Variants in MKRN2 observed in about 807,000 individuals in gnomAD.
MKRN2 encodes the protein makorin ring finger protein 2, also known as E3 ubiquitin-protein ligase makorin-2.
A neutral mutation model predicts 45.4 loss-of-function variants in MKRN2; 32 were observed. That is an observed-to-expected ratio of 0.70 (90% CI 0.53 to 0.95). The LOEUF (loss-of-function observed/expected upper bound fraction) is 0.95. MKRN2 is among the 40% of genes least tolerant of loss of function. The pLI, the probability that MKRN2 is intolerant of heterozygous loss-of-function variation, is 0.00. For missense variants in MKRN2, 526 were observed against 536.7 expected, an observed-to-expected ratio of 0.98 and a Z score of 0.20; for synonymous variants, 206 against 192.4, an observed-to-expected ratio of 1.07 and a Z score of -0.59.
chr3:12,580,213 G>T (rs541064415), intron 6 of MKRN2, among the ~76,000 whole-genome samples: 1 of 152,176 alleles, frequency 6.6e-6, no homozygotes, highest in Non-Finnish European at 1.5e-5. Flanking sequence ...TGAGAGTGGG[G>T]GACCAGTATA....
chr3:12,580,399 T>C (rs1255067696), intron 6 of MKRN2, among the ~76,000 whole-genome samples: 1 of 152,064 alleles, frequency 6.6e-6, no homozygotes, highest in Non-Finnish European at 1.5e-5. Flanking sequence ...CCACCTGTGC[T>C]CAAATCAGAT....
rs2058196711 is a variant in MKRN2 at position 12,582,972 on chromosome 3, CTGGT to C, written c.*724_*727del. ...GGTAGCAGTCTGGCCCTCCTGTCGT[CTGGT>C]TGGTGTTGGGGCCTCCAGCCAGGGC... is the stretch of plus-strand genomic sequence containing the variant. On this transcript the variant is annotated 3_prime_UTR_variant, in exon 8 of 8. Coordinates refer to ENST00000170447, the MANE Select transcript of MKRN2 (RefSeq NM_014160.5). The C allele has an allele frequency of 6.6e-6, 1 of 152,270 alleles. No individual in the cohort carries two copies. Among genetic ancestry groups the C allele is most frequent in the Non-Finnish European group, 1.5e-5 (1 of 68,070 alleles). The allele number at this position is 152,270 out of a possible 1,614,324, so 9.4% of individuals were successfully genotyped here. A position where few individuals can be genotyped will look rare whatever the true frequency, so the allele number is the denominator to read the frequency against.
chr3:12,569,977 A>C (rs963468288), intron 2 of MKRN2, 94 bp from the exon 3 acceptor site: 7 of 1,213,538 alleles, frequency 5.8e-6, no homozygotes, highest in Non-Finnish European at 7.9e-6. Flanking sequence ...CACCTCAACA[A>C]GTGCAGCAGA....
chr3:12,557,829 C>T (rs116200211), intron 1 of MKRN2, among the ~76,000 whole-genome samples: 4,717 of 152,286 alleles, frequency 0.031, 246 homozygotes, highest in African/African-American at 0.11. Flanking sequence ...AAGACGTTGA[C>T]ACTCATTTAT....
intron 3 of MKRN2, among the ~76,000 whole-genome samples, 165 bp downstream of exon 3, chr3:12,570,417 C>T (rs898073914): frequency 1.3e-5 from 2 of 152,122 alleles, no homozygotes; most frequent in African/African-American, 4.8e-5. Flanking sequence ...CTCCATGTGG[C>T]TGCAGATCAT....
At chr3:12,581,681 GCCCCACCTA>G (rs1443724702) in intron 6 of MKRN2, 118 bp from the exon 7 acceptor site, 10 of 998,632 alleles carry the variant, frequency 1.0e-5, no homozygotes, top group Non-Finnish European at 1.5e-5. Context: ...AGCCTCAGCT[GCCCCACCTA>G]GAATGTGAGG....
chr3:12,558,113 G>A (rs1396651658), intron 1 of MKRN2, among the ~76,000 whole-genome samples: 1 of 152,190 alleles, frequency 6.6e-6, no homozygotes, highest in Non-Finnish European at 1.5e-5. Flanking sequence ...AACAGTTATA[G>A]AGTTTGTGTA....
chr3:12,557,502 C>A (rs772742607), intron 1 of MKRN2, among the ~76,000 whole-genome samples: 4 of 152,226 alleles, frequency 2.6e-5, no homozygotes, highest in Admixed American at 6.5e-5. Context: ...CTGGGGCTTA[C>A]GCTTTAACTG....
chr3:12,571,311 A>G (rs950407372), intron 3 of MKRN2, among the ~76,000 whole-genome samples: 9 of 152,160 alleles, frequency 5.9e-5, no homozygotes, highest in Admixed American at 3.9e-4. Context: ...GTGTTTCACT[A>G]TGTTGGCCAG....
intron 1 of MKRN2, among the ~76,000 whole-genome samples, chr3:12,566,053 C>T (rs2058067679): frequency 6.6e-6 from 1 of 151,936 alleles, no homozygotes; most frequent in African/African-American, 2.4e-5. Flanking sequence ...TGGGTTTTGC[C>T]ATGTTGCCCA....
At position 12,570,067 on chromosome 3, in the gene MKRN2, T is replaced by G; in HGVS notation, c.156-4T>G. On this transcript the variant is annotated splice_region_variant and splice_polypyrimidine_tract_variant and intron_variant, in intron 2 of 7. Coordinates refer to ENST00000170447, the MANE Select transcript of MKRN2 (RefSeq NM_014160.5). ...GTAATGCATCTGCTGTGTGTTTTGT[T>G]TAGATATGACCACACGAGGCCCTCT... 1 of 1,602,788 alleles carries G rather than the reference T, an allele frequency of 6.2e-7. No individual in the cohort carries two copies. Among genetic ancestry groups the G allele is most frequent in the Non-Finnish European group, 8.5e-7 (1 of 1,175,442 alleles).
chr3:12,569,996 C>A, intron 2 of MKRN2, 75 bp from the exon 3 acceptor site: 1 of 1,381,332 alleles, frequency 7.2e-7, no homozygotes, highest in South Asian at 1.5e-5. Flanking sequence ...GAAGGAGGGC[C>A]ATTGGCATCT....
intron 3 of MKRN2, among the ~76,000 whole-genome samples, chr3:12,570,921 C>T (rs1315399852): frequency 7.4e-5 from 11 of 149,316 alleles, no homozygotes; most frequent in Non-Finnish European, 1.6e-4. Flanking sequence ...AAATATTTTG[C>T]TAAAGAGCAT....
intron 1 of MKRN2, chr3:12,560,871 G>A (rs535032153): frequency 2.6e-5 from 4 of 152,214 alleles, no homozygotes; most frequent in African/African-American, 4.8e-5. Flanking sequence ...CCATCAGAAA[G>A]GTTGAGCAGT....
At chr3:12,574,033 C>G (rs2058116121) in intron 4 of MKRN2, among the ~76,000 whole-genome samples, 1 of 152,182 alleles carries the variant, frequency 6.6e-6, no homozygotes, top group Admixed American at 6.5e-5. Context: ...GCCACTGCAC[C>G]TGGCCTAAGG....
At chr3:12,563,483 C>CTTTT (rs769910086) in intron 1 of MKRN2, among the ~76,000 whole-genome samples, 6 of 101,402 alleles carry the variant, frequency 5.9e-5, no homozygotes, top group East Asian at 2.7e-4. Flanking sequence ...TTGTCTAGTT[C>CTTTT]TTTTTTTTTT....
chr3:12,575,600 G>A (rs894085331), intron 5 of MKRN2, among the ~76,000 whole-genome samples: 1 of 152,144 alleles, frequency 6.6e-6, no homozygotes, highest in Non-Finnish European at 1.5e-5. Flanking sequence ...ACCCTCCTCA[G>A]TTACAGATTA....
At chr3:12,568,041 C>T (rs2058079341) in intron 1 of MKRN2, among the ~76,000 whole-genome samples, 1 of 152,160 alleles carries the variant, frequency 6.6e-6, no homozygotes, top group Non-Finnish European at 1.5e-5. Flanking sequence ...ACCCATACAA[C>T]CTTTCTGTTT....
rs934548387 is a variant in MKRN2, at chr3:12,582,486, T to TAC, written c.*236_*237dup. 3.3e-5 allele frequency: 17 copies of TAC among 511,100 alleles called. No individual in the cohort carries two copies. The highest frequency in any genetic ancestry group is 3.2e-4 in the African/African-American group (17 of 52,864). The allele number at this position is 511,100 out of a possible 1,614,324, so 31.7% of individuals were successfully genotyped here. On this transcript the variant is annotated 3_prime_UTR_variant, in exon 8 of 8. Coordinates refer to ENST00000170447, the MANE Select transcript of MKRN2 (RefSeq NM_014160.5). ...TTGCTATTTTTATAGCTGATATAGT[T>TAC]ACACCTCAAGCCCCTCAGGGGTAAC... is the stretch of plus-strand genomic sequence containing the variant.
Sources: gnomAD v4.1 joint callset for allele counts (sites outside exome capture counted in the v4.1 genomes callset) on GRCh38, gnomAD v4.1.1 for gene constraint, MANE v1.5 for transcripts, NCBI Gene and HGNC (gene_info 2026-07-23, HGNC 2026-07-21) for gene names.